Variants in CECR2 observed in about 807,000 individuals in gnomAD.
CECR2 encodes CECR2 histone acetyl-lysine reader.
A neutral mutation model predicts 154.5 loss-of-function variants in CECR2; 30 were observed. The ratio of observed to expected loss-of-function variants is 0.19; its 90% CI spans 0.15 to 0.26. The LOEUF is 0.26. Among genes scored for constraint, CECR2 ranks in the 10% least tolerant of loss-of-function variants. CECR2 has a pLI of 1.00. For missense variants in CECR2, 1,743 were observed against 1,829.3 expected, an observed-to-expected ratio of 0.95 and a Z score of 0.86; for synonymous variants, 725 against 683.7, an observed-to-expected ratio of 1.06 and a Z score of -0.94.
chr22:17,488,226 C>G (rs958586377), intron 2 of CECR2, among the ~76,000 whole-genome samples: 3 of 152,136 alleles, frequency 2.0e-5, no homozygotes, highest in African/African-American at 7.2e-5. Flanking sequence ...GTAATAGATT[C>G]CCTAATTTAG....
At chr22:17,551,314 T>C (rs2056704735) in intron 17 of CECR2, among the ~76,000 whole-genome samples, 1 of 143,666 alleles carries the variant, frequency 7.0e-6, no homozygotes, top group East Asian at 2.4e-4. Context: ...TTAGAGTCGT[T>C]TCTTTGTGTT....
rs1444140958 is a variant in CECR2, at chr22:17,492,565, C to G, written c.222-4838C>G. ...TTGTTGACTCATTCTTATTTTCACT[C>G]TTTCTTGCTCTTTCACTCATAGAGG... On this transcript the variant is annotated intron_variant, in intron 2 of 18. Transcript: ENST00000262608. Among the ~76,000 whole-genome samples, 7 of 151,878 alleles carry G rather than the reference C, an allele frequency of 4.6e-5. No homozygotes were observed. The East Asian group carries it at 9.6e-4, about 21-fold the overall frequency.
intron 1 of CECR2, among the ~76,000 whole-genome samples, chr22:17,476,004 C>G (rs2055201637): frequency 6.6e-6 from 1 of 151,592 alleles, no homozygotes; most frequent in African/African-American, 2.4e-5. Flanking sequence ...TCCATTGTCT[C>G]CCGAAGAAAG....
intron 1 of CECR2, among the ~76,000 whole-genome samples, chr22:17,413,879 A>T (rs374897884): frequency 6.8e-6 from 1 of 146,390 alleles, no homozygotes; most frequent in Non-Finnish European, 1.5e-5. Flanking sequence ...GGGTTTCACC[A>T]TGGTAGCCAG....
At chr22:17,399,702 C>T (rs1372739514) in intron 1 of CECR2, among the ~76,000 whole-genome samples, 2 of 152,060 alleles carry the variant, frequency 1.3e-5, no homozygotes, top group Non-Finnish European at 2.9e-5. Flanking sequence ...GCCACCGCAC[C>T]CAACCTGTAA....
At chr22:17,468,696 G>A (rs983697725) in intron 1 of CECR2, among the ~76,000 whole-genome samples, 2 of 151,960 alleles carry the variant, frequency 1.3e-5, no homozygotes, top group African/African-American at 2.4e-5. Context: ...GCAACCCCCC[G>A]CCCCATGATG....
Position 17,542,854 on chromosome 22 carries a change from C to T in CECR2, c.2711C>T (p.Pro904Leu). 6.2e-7 allele frequency: 1 copy of T among 1,613,788 alleles called. No individual in the cohort carries two copies. ...RVCPPGVPYH[P>L]HQPAHPRLPG... ...TGCCCCCCAGGTGTGCCTTACCACC[C>T]CCACCAGCCTGCACACCCCCGTTTA... Residue 904 changes from proline to leucine, a missense_variant, in exon 16 of 19, where the codon CCC (proline) becomes CTC (leucine). By Grantham distance (98) the Pro-to-Leu change is moderately conservative. Transcript: ENST00000262608.
At chr22:17,551,857 G>GC (rs778884510) in intron 17 of CECR2, among the ~76,000 whole-genome samples, 174 bp from the exon 18 acceptor site, 71 of 152,292 alleles carry the variant, frequency 4.7e-4, no homozygotes, top group Admixed American at 2.6e-3. Flanking sequence ...TGGTGCGTGT[G>GC]CGTGCCACTT....
At chr22:17,509,201 A>G (rs934906637) in intron 7 of CECR2, among the ~76,000 whole-genome samples, 9 of 152,160 alleles carry the variant, frequency 5.9e-5, no homozygotes, top group Middle Eastern at 3.2e-3. Context: ...CAGTGAGATG[A>G]GATCGCACCA....
At chr22:17,496,678 A>G (rs1043684824) in intron 2 of CECR2, among the ~76,000 whole-genome samples, 3 of 152,170 alleles carry the variant, frequency 2.0e-5, no homozygotes, top group Non-Finnish European at 4.4e-5. Context: ...GGTTAGGCCA[A>G]CTATGCGTTT....
intron 1 of CECR2, among the ~76,000 whole-genome samples, chr22:17,412,792 G>A (rs565183150): frequency 6.6e-6 from 1 of 152,288 alleles, no homozygotes; most frequent in East Asian, 1.9e-4. Flanking sequence ...GGGTGAGGGG[G>A]ATGGAACCAT....
intron 1 of CECR2, among the ~76,000 whole-genome samples, chr22:17,381,590 A>G (rs5992035): frequency 0.067 from 10,178 of 152,184 alleles, 543 homozygotes; most frequent in East Asian, 0.18. Context: ...TCAAAACCCA[A>G]TCAGCCTTCC....
At position 17,544,831 on chromosome 22, in the gene CECR2, AAAAAAG is replaced by A. The variant is rs899781138; in HGVS notation, c.2860+1829_2860+1834del. On this transcript the variant is annotated intron_variant, in intron 16 of 18. Transcript: ENST00000262608. ...TCTCAAAAAAAAAAAAAAAAAAAAAAAAAAAGGTTCATGCCTATAGTCCCAGCTACT... is the reference window on the plus strand; with the variant it reads ...TCTCAAAAAAAAAAAAAAAAAAAAAAGTTCATGCCTATAGTCCCAGCTACT... Among the ~76,000 whole-genome samples the A allele has an allele frequency of 7.3e-5, 11 of 150,560 alleles. No homozygotes were observed. In the East Asian group the frequency reaches 1.4e-3, roughly 19 times the overall value.
intron 1 of CECR2, among the ~76,000 whole-genome samples, chr22:17,438,126 A>G (rs2054532919): frequency 1.3e-5 from 2 of 152,362 alleles, no homozygotes; most frequent in South Asian, 4.1e-4. Flanking sequence ...TGAATATTAC[A>G]TGCAGTAGTA....
intron 1 of CECR2, among the ~76,000 whole-genome samples, chr22:17,361,421 C>T (rs550341676): frequency 4.1e-4 from 61 of 149,650 alleles, no homozygotes; most frequent in African/African-American, 1.4e-3. Flanking sequence ...TGGAGGCGGA[C>T]GTTGCAGTGC....
At chr22:17,533,933 C>T (rs922748721) in intron 9 of CECR2, among the ~76,000 whole-genome samples, 1 of 151,816 alleles carries the variant, frequency 6.6e-6, no homozygotes, top group Non-Finnish European at 1.5e-5. Flanking sequence ...AGGCTGGTCT[C>T]GAACTCCCGA....
chr22:17,536,750 A>G (rs1289555798), intron 9 of CECR2, among the ~76,000 whole-genome samples: 1 of 152,092 alleles, frequency 6.6e-6, no homozygotes, highest in Non-Finnish European at 1.5e-5. Context: ...ATCCGAGAAG[A>G]TAGTCCTCAT....
intron 1 of CECR2, among the ~76,000 whole-genome samples, chr22:17,396,935 A>G (rs953276761): frequency 1.3e-5 from 2 of 152,148 alleles, no homozygotes; most frequent in African/African-American, 4.8e-5. Flanking sequence ...ATGTGGTTGG[A>G]CAATGGCTTG....
chr22:17,379,693 A>G (rs2063164454), intron 1 of CECR2, among the ~76,000 whole-genome samples: 2 of 152,020 alleles, frequency 1.3e-5, no homozygotes, highest in Non-Finnish European at 2.9e-5. Flanking sequence ...CAGCGACCAC[A>G]TGAGCTTGAA....
Sources: allele counts gnomAD v4.1 joint callset (sites outside exome capture counted in the v4.1 genomes callset), GRCh38; gene constraint gnomAD v4.1.1; transcripts MANE v1.5; gene names NCBI Gene and HGNC (gene_info 2026-07-23, HGNC 2026-07-21).